The following VWA3B variants were observed in gnomAD, a reference collection of about 807,000 sequenced individuals.
The protein encoded by VWA3B is von Willebrand factor A domain containing 3B, also known as von Willebrand factor A domain-containing protein 3B.
VWA3B carries 138 observed loss-of-function variants against 158.3 expected under a neutral mutation model. The observed-to-expected ratio is 0.87, with a 90% confidence interval of 0.76 to 1.00. VWA3B has a LOEUF of 1.00. Among genes scored for constraint, VWA3B ranks in the 50% least tolerant of loss-of-function variants. The pLI is 0.00. For synonymous variants in VWA3B, 596 were observed against 587.3 expected, an observed-to-expected ratio of 1.01 and a Z score of -0.21; for missense variants, 1,555 against 1,565.1, an observed-to-expected ratio of 0.99 and a Z score of 0.11.
intron 22 of VWA3B, among the ~76,000 whole-genome samples, chr2:98,285,771 T>C (rs1689134131): frequency 6.6e-6 from 1 of 151,862 alleles, no homozygotes; most frequent in Non-Finnish European, 1.5e-5. Context: ...AACTTCTCAA[T>C]TTCTGCAACA....
intron 8 of VWA3B, 65 bp downstream of exon 8, chr2:98,163,041 C>A: frequency 6.3e-7 from 1 of 1,593,258 alleles, no homozygotes; most frequent in African/African-American, 1.3e-5. Context: ...GGACCAGGGG[C>A]TGCTTCCATG....
chr2:98,153,962 A>G (rs1029470412), intron 7 of VWA3B, among the ~76,000 whole-genome samples: 2 of 152,058 alleles, frequency 1.3e-5, no homozygotes, highest in African/African-American at 4.8e-5. Flanking sequence ...CCAGGGCTCA[A>G]GCGATTCTCC....
At chr2:98,240,725 T>C (rs1482055056) in intron 19 of VWA3B, among the ~76,000 whole-genome samples, 1 of 152,186 alleles carries the variant, frequency 6.6e-6, no homozygotes, top group Non-Finnish European at 1.5e-5. Flanking sequence ...GTTCATATGC[T>C]GAAGAAGCAA....
At chr2:98,224,722 C>G (rs189344971) in intron 14 of VWA3B, among the ~76,000 whole-genome samples, 2 of 148,684 alleles carry the variant, frequency 1.3e-5, no homozygotes, top group East Asian at 4.0e-4. Flanking sequence ...CTAATCACAC[C>G]AATCAAAAGA....
At chr2:98,300,524 ATCCTCGCGTCCTCATCCTCCTCCTCC>A (rs1690111738) in intron 25 of VWA3B, among the ~76,000 whole-genome samples, 1 of 151,818 alleles carries the variant, frequency 6.6e-6, no homozygotes, top group Admixed American at 6.6e-5. Flanking sequence ...CGTCTTCCTC[ATCCTCGCGTCCTCATCCTCCTCCTCC>A]TCCTCCGCCT....
intron 19 of VWA3B, among the ~76,000 whole-genome samples, chr2:98,247,406 A>G (rs1686471297): frequency 6.6e-6 from 1 of 152,158 alleles, no homozygotes; most frequent in African/African-American, 2.4e-5. Context: ...CCTTTCCCCC[A>G]AAAATCTTGT....
At chr2:98,163,939 G>A (rs1266248306) in intron 8 of VWA3B, among the ~76,000 whole-genome samples, 4 of 152,314 alleles carry the variant, frequency 2.6e-5, no homozygotes, top group Admixed American at 6.5e-5. Flanking sequence ...AAAGGTTGAG[G>A]CCTCGCTGAG....
intron 12 of VWA3B, among the ~76,000 whole-genome samples, chr2:98,197,922 G>C (rs1403842505): frequency 6.6e-6 from 1 of 151,904 alleles, no homozygotes; most frequent in Non-Finnish European, 1.5e-5. Flanking sequence ...CCTGGTTGTG[G>C]TTATTGCTAC....
chr2:98,141,019 C>T (rs902392884), intron 7 of VWA3B, among the ~76,000 whole-genome samples: 1 of 152,168 alleles, frequency 6.6e-6, no homozygotes, highest in Non-Finnish European at 1.5e-5. Flanking sequence ...GTCACATTGC[C>T]TTGGCACCTG....
chr2:98,169,588 T>C (rs547838407), intron 8 of VWA3B, among the ~76,000 whole-genome samples: 4 of 152,118 alleles, frequency 2.6e-5, no homozygotes, highest in Non-Finnish European at 5.9e-5. Context: ...TATGAGATAT[T>C]ATATGTCAAT....
In VWA3B at chr2:98,256,152, T is replaced by G. The variant is rs1320774238; in HGVS notation, c.2821T>G (p.Leu941Val). ...KRLNKIVWRA[L>V]SQEEKEKLDA... ...CTTGAATAAAATTGTTTGGCGAGCA[T>G]TATCTCAAGAGGAAAAAGAAAAGTA... Residue 941 changes from leucine to valine, a missense_variant, in exon 21 of 28, where the codon TTA becomes GTA. Leu to Val is a conservative substitution (Grantham distance 32). Transcript: ENST00000477737. The G allele has an allele frequency of 6.2e-7, 1 of 1,613,440 alleles. No homozygotes were observed. The highest frequency in any genetic ancestry group is 8.5e-7 in the Non-Finnish European group (1 of 1,179,862).
At chr2:98,199,302 A>G (rs1682332234) in intron 12 of VWA3B, among the ~76,000 whole-genome samples, 1 of 152,216 alleles carries the variant, frequency 6.6e-6, no homozygotes, top group Admixed American at 6.5e-5. Flanking sequence ...GGTTTTATAC[A>G]TAAAGCTGCA....
intron 12 of VWA3B, among the ~76,000 whole-genome samples, chr2:98,202,451 C>T (rs1271957223): frequency 6.6e-6 from 1 of 150,958 alleles, no homozygotes; most frequent in Non-Finnish European, 1.5e-5. Flanking sequence ...TTTCAAGAAA[C>T]CAACTTTTTG....
At chr2:98,276,064 C>T (rs1470816924) in intron 22 of VWA3B, among the ~76,000 whole-genome samples, 2 of 152,174 alleles carry the variant, frequency 1.3e-5, no homozygotes, top group Non-Finnish European at 2.9e-5. Context: ...AACAGGCTGT[C>T]GAAAGCCACC....
intron 8 of VWA3B, among the ~76,000 whole-genome samples, chr2:98,176,491 T>TC (rs1680029386): frequency 6.8e-6 from 1 of 148,024 alleles, no homozygotes; most frequent in African/African-American, 2.5e-5. Flanking sequence ...TCTTCGGTCT[T>TC]CCCCTCCCTC....
intron 12 of VWA3B, among the ~76,000 whole-genome samples, chr2:98,210,882 A>G (rs557025818): frequency 6.6e-6 from 1 of 152,056 alleles, no homozygotes; most frequent in East Asian, 1.9e-4. Context: ...AGAGATTGTG[A>G]CTCCAGATGG....
chr2:98,298,475 C>CCCCAT (rs1267887462), intron 24 of VWA3B, among the ~76,000 whole-genome samples: 1 of 148,830 alleles, frequency 6.7e-6, no homozygotes, highest in South Asian at 2.1e-4. Flanking sequence ...TGCCATCCCA[C>CCCCAT]CCCATCCCAT....
In VWA3B at chr2:98,311,882, G is replaced by A. The variant is rs745388440; in HGVS notation, c.3585G>A (p.Gln1195=). The change falls in exon 27 of 28, where the codon CAG becomes CAA. Residue 1195 remains glutamine (Q), a synonymous_variant. Coordinates refer to ENST00000477737, the MANE Select transcript of VWA3B (RefSeq NM_144992.5). ...LFWPLKEADT[Q]DSREPRREKP... ...GGCCACTGAAAGAAGCGGACACGCA[G>A]GATTCCAGAGAGCCAAGACGAGAGA... is the stretch of plus-strand genomic sequence containing the variant. The A allele has an allele frequency of 1.2e-6, 2 of 1,612,408 alleles. No homozygotes were observed. Among genetic ancestry groups the A allele is most frequent in the Non-Finnish European group, 1.7e-6 (2 of 1,179,300 alleles).
chr2:98,149,465 A>C (rs1558604811), intron 7 of VWA3B, among the ~76,000 whole-genome samples: 1 of 152,218 alleles, frequency 6.6e-6, no homozygotes, highest in Non-Finnish European at 1.5e-5. Context: ...TGGCCGCTTG[A>C]TGTACACCCC....
Sources: allele counts gnomAD v4.1 joint callset (sites outside exome capture counted in the v4.1 genomes callset), GRCh38; gene constraint gnomAD v4.1.1; transcripts MANE v1.5; gene names NCBI Gene and HGNC (gene_info 2026-07-23, HGNC 2026-07-21).